The following GRIP1 variants were observed in gnomAD, a reference collection of about 807,000 sequenced individuals.
GRIP1 encodes glutamate receptor interacting protein 1.
In GRIP1, 45 loss-of-function variants were observed where a neutral mutation model predicts 129.9. The ratio of observed to expected loss-of-function variants is 0.35; its 90% confidence interval spans 0.27 to 0.44. GRIP1 has a LOEUF of 0.44. Ranked by LOEUF, GRIP1 falls within the 20% of genes least tolerant of loss-of-function variation. The pLI, the probability that GRIP1 is intolerant of heterozygous loss-of-function variation, is 1.00. For synonymous variants in GRIP1, 530 were observed against 520.8 expected, an observed-to-expected ratio of 1.02 and a Z score of -0.24; for missense variants, 1,196 against 1,396.8, an observed-to-expected ratio of 0.86 and a Z score of 2.29.
chr12:66,523,841 A>C (rs1338948242), intron 5 of GRIP1, among the ~76,000 whole-genome samples: 3 of 152,344 alleles, frequency 2.0e-5, no homozygotes, highest in South Asian at 2.1e-4. Flanking sequence ...AAGATCTACC[A>C]AGCAAACAGA....
At chr12:66,651,099 G>T (rs2032762235) in intron 1 of GRIP1, among the ~76,000 whole-genome samples, 1 of 152,154 alleles carries the variant, frequency 6.6e-6, no homozygotes, top group Non-Finnish European at 1.5e-5. Flanking sequence ...GCTCCTCCTA[G>T]TAGAACATTT....
Position 67,062,647 on chromosome 12 carries a change from C to T in GRIP1, c.58+6403G>A, listed in dbSNP as rs557075591. ...TTATCTGTCATAGCCCATGACTCTACAACTATACTTAATAATCTCCTTTAA... is the reference window on the plus strand; with the variant it reads ...TTATCTGTCATAGCCCATGACTCTATAACTATACTTAATAATCTCCTTTAA... On this transcript the variant is annotated intron_variant, in intron 1 of 1. Coordinates refer to the GRIP1 transcript ENST00000643019. 7.9e-5 allele frequency among the ~76,000 whole-genome samples: 12 copies of T among 152,252 alleles called. No homozygotes were observed. The East Asian group carries it at 2.3e-3, about 29-fold the overall frequency.
chr12:66,827,060 G>A (rs543927439), intron 1 of GRIP1, among the ~76,000 whole-genome samples: 2 of 152,172 alleles, frequency 1.3e-5, no homozygotes, highest in South Asian at 4.2e-4. Flanking sequence ...TCAAATCATT[G>A]TATTAGCATC....
chr12:66,928,842 A>G (rs1180939281), intron 1 of GRIP1, among the ~76,000 whole-genome samples: 1 of 152,202 alleles, frequency 6.6e-6, no homozygotes, highest in Non-Finnish European at 1.5e-5. Context: ...TAATCCAGGA[A>G]GCTGCACAAT....
chr12:67,066,538 A>G (rs1229053548), intron 1 of GRIP1, among the ~76,000 whole-genome samples: 1 of 152,182 alleles, frequency 6.6e-6, no homozygotes, highest in South Asian at 2.1e-4. Context: ...TTAGATGAGC[A>G]CAACCAACCT....
At chr12:66,787,768 A>C (rs1348804484) in intron 1 of GRIP1, among the ~76,000 whole-genome samples, 6 of 152,156 alleles carry the variant, frequency 3.9e-5, no homozygotes, top group South Asian at 2.1e-4. Flanking sequence ...TCTGTTGTCT[A>C]TAAGGTACCC....
chr12:66,390,101 G>A (rs1178396407), intron 19 of GRIP1, among the ~76,000 whole-genome samples: 2 of 152,152 alleles, frequency 1.3e-5, no homozygotes, highest in Non-Finnish European at 2.9e-5. Flanking sequence ...GTGGAGATGG[G>A]GGGCTGCCTC....
At chr12:66,531,295 A>G (rs1357477262) in intron 4 of GRIP1, among the ~76,000 whole-genome samples, 1 of 76,520 alleles carries the variant, frequency 1.3e-5, no homozygotes, top group Non-Finnish European at 2.4e-5. Context: ...ATATATATAT[A>G]TATATATACA....
upstream of GRIP1, among the ~76,000 whole-genome samples, chr12:66,683,218 C>T (rs1187260183): frequency 6.6e-6 from 1 of 152,030 alleles, no homozygotes; most frequent in Non-Finnish European, 1.5e-5. Context: ...TTATAATCGG[C>T]CATTTTTACT....
At chr12:66,368,259 TC>T (rs1006877829) in intron 23 of GRIP1, among the ~76,000 whole-genome samples, 2 of 152,168 alleles carry the variant, frequency 1.3e-5, no homozygotes, top group African/African-American at 4.8e-5. Flanking sequence ...CTATTTTTCC[TC>T]CCAGCAATGG....
chr12:66,670,622 C>G (rs891548040), intron 1 of GRIP1, among the ~76,000 whole-genome samples: 1 of 152,176 alleles, frequency 6.6e-6, no homozygotes, highest in Non-Finnish European at 1.5e-5. Flanking sequence ...CACACAAATG[C>G]GTTATAACCT....
intron 2 of GRIP1, among the ~76,000 whole-genome samples, chr12:66,586,085 C>T (rs533308736): frequency 6.6e-6 from 1 of 152,274 alleles, no homozygotes; most frequent in African/African-American, 2.4e-5. Context: ...GGCCACTCTC[C>T]CATTTTTCTG....
chr12:66,594,422 C>T (rs1328245016), intron 2 of GRIP1, among the ~76,000 whole-genome samples: 1 of 152,244 alleles, frequency 6.6e-6, no homozygotes, highest in African/African-American at 2.4e-5. Flanking sequence ...TTTGAATGTG[C>T]CCCAACACAA....
At position 66,512,572 on chromosome 12, in the gene GRIP1, C is replaced by T. The variant is rs146989472; in HGVS notation, c.724+3047G>A. 1.5e-3 allele frequency among the ~76,000 whole-genome samples: 225 copies of T among 151,106 alleles called. 12 individuals carry two copies. Among genetic ancestry groups the T allele is most frequent in the African/African-American group, 5.3e-3 (216 of 40,816 alleles). On this transcript the variant is annotated intron_variant, in intron 7 of 24. Transcript: ENST00000359742. Reference sequence around the variant, plus strand: ...AACTGAGAAAAGTTTTTATGAAAAACAGATGACTAATGCCTTTAATATATA... The same window carrying T: ...AACTGAGAAAAGTTTTTATGAAAAATAGATGACTAATGCCTTTAATATATA...
At chr12:66,542,730 G>C (rs996287656) in intron 2 of GRIP1, among the ~76,000 whole-genome samples, 1 of 152,160 alleles carries the variant, frequency 6.6e-6, no homozygotes, top group Admixed American at 6.5e-5. Flanking sequence ...AAAATGAGTA[G>C]AGTCAATATT....
chr12:67,013,161 G>A (rs1451568960), intron 1 of GRIP1, among the ~76,000 whole-genome samples: 1 of 152,064 alleles, frequency 6.6e-6, no homozygotes, highest in Non-Finnish European at 1.5e-5. Flanking sequence ...AATAAATATT[G>A]CTGTTTCTAA....
At chr12:66,882,932 T>G (rs1352454065) in intron 1 of GRIP1, among the ~76,000 whole-genome samples, 1 of 152,148 alleles carries the variant, frequency 6.6e-6, no homozygotes, top group East Asian at 1.9e-4. Flanking sequence ...AGAGACACCT[T>G]TAGTGGATTC....
intron 1 of GRIP1, among the ~76,000 whole-genome samples, chr12:66,786,401 A>T (rs931897683): frequency 6.6e-6 from 1 of 152,158 alleles, no homozygotes; most frequent in Non-Finnish European, 1.5e-5. Flanking sequence ...GTCTTACAGC[A>T]AACTGCAAGA....
At chr12:66,670,468 C>T (rs1344321251) in intron 1 of GRIP1, among the ~76,000 whole-genome samples, 1 of 152,184 alleles carries the variant, frequency 6.6e-6, no homozygotes, top group Non-Finnish European at 1.5e-5. Context: ...GCGCTCATAA[C>T]TTCATACAGG....
Sources: gnomAD v4.1 joint callset for allele counts (sites outside exome capture counted in the v4.1 genomes callset) on GRCh38, gnomAD v4.1.1 for gene constraint, MANE v1.5 for transcripts, NCBI Gene and HGNC (gene_info 2026-07-23, HGNC 2026-07-21) for gene names.